REEP3: variants seen among roughly 807,000 people sequenced by gnomAD.
REEP3 encodes receptor expression-enhancing protein 3.
In REEP3, 20 loss-of-function variants were observed where a neutral mutation model predicts 41.3. That is an observed-to-expected ratio of 0.48 (90% CI 0.34 to 0.70). REEP3 has a LOEUF of 0.70. Ranked by LOEUF, REEP3 falls within the 30% of genes least tolerant of loss-of-function variation. REEP3 has a pLI of 0.01. For synonymous variants in REEP3, 104 were observed against 101.8 expected (o/e 1.02, Z -0.13); for missense variants, 271 against 308.8 (o/e 0.88, Z 0.92).
intron 1 of REEP3, among the ~76,000 whole-genome samples, chr10:63,546,571 G>A (rs139213467): frequency 1.2e-4 from 19 of 152,282 alleles, no homozygotes; most frequent in East Asian, 5.8e-4. Context: ...CTGGGATGCC[G>A]TATAGATATT....
chr10:63,547,123 T>C (rs1389150101), intron 1 of REEP3, among the ~76,000 whole-genome samples: 6 of 151,960 alleles, frequency 3.9e-5, no homozygotes, highest in African/African-American at 4.8e-5. Context: ...GGTTTCACCA[T>C]GTTGGCCAGG....
At chr10:63,584,043 G>A (rs1021277448) in intron 2 of REEP3, among the ~76,000 whole-genome samples, 1 of 152,024 alleles carries the variant, frequency 6.6e-6, no homozygotes, top group African/African-American at 2.4e-5. Context: ...CTGAGGTCAG[G>A]GTTGAGATAT....
At chr10:63,546,860 G>A (rs147677366) in intron 1 of REEP3, among the ~76,000 whole-genome samples, 88 of 151,846 alleles carry the variant, frequency 5.8e-4, no homozygotes, top group African/African-American at 1.7e-3. Flanking sequence ...ATAAATTCCA[G>A]TTGGATCACA....
chr10:63,563,993 G>C (rs1215377852), intron 1 of REEP3, among the ~76,000 whole-genome samples: 1 of 152,174 alleles, frequency 6.6e-6, no homozygotes, highest in Non-Finnish European at 1.5e-5. Context: ...AAAGCTAAGA[G>C]AGTAGCTGAG....
At position 63,566,405 on chromosome 10, in the gene REEP3, G is replaced by A; in HGVS notation, c.100G>A (p.Glu34Lys). 3 of 1,493,754 alleles carry A rather than the reference G, an allele frequency of 2.0e-6. No homozygotes were observed. The highest frequency in any genetic ancestry group is 2.0e-5 in the Admixed American group (1 of 50,972). The allele number at this position is 1,493,754 out of a possible 1,614,324, so 92.5% of individuals were successfully genotyped here. The change falls in exon 2 of 8, where the codon GAA (glutamate) becomes AAA (lysine). Residue 34 changes from glutamate (E) to lysine (K), a missense_variant. Glu to Lys is a moderately conservative substitution (Grantham distance 56). Transcript: ENST00000373758. ...YKAVKTKNVKEYVRWMMYWIV... is the reference protein window; with the variant it reads ...YKAVKTKNVKKYVRWMMYWIV... ...AGCTGTGAAAACAAAAAACGTGAAG[G>A]AATATGTAAGTATAGTTTTATGAGT... is the stretch of plus-strand genomic sequence containing the variant.
At chr10:63,585,285 G>T (rs1223818428) in intron 2 of REEP3, among the ~76,000 whole-genome samples, 1 of 152,110 alleles carries the variant, frequency 6.6e-6, no homozygotes. Flanking sequence ...GGCAGGGGTG[G>T]TTGTTACATA....
chr10:63,558,675 G>A (rs1450551697), intron 1 of REEP3, among the ~76,000 whole-genome samples: 1 of 152,046 alleles, frequency 6.6e-6, no homozygotes, highest in Non-Finnish European at 1.5e-5. Flanking sequence ...CCCAGGAGGC[G>A]GAGGTTGCAG....
chr10:63,530,912 C>T (rs1307521272), intron 1 of REEP3, among the ~76,000 whole-genome samples: 1 of 152,160 alleles, frequency 6.6e-6, no homozygotes, highest in Non-Finnish European at 1.5e-5. Context: ...CACATTTGCA[C>T]TAAACTAATC....
chr10:63,599,158 T>G lies in REEP3; in HGVS notation c.304-12T>G. ...TTTAAGTAAAACTAACATCTGTGGC[T>G]TTTTCCCCCAGGAGATTGATGATTA... is the stretch of plus-strand genomic sequence containing the variant. On this transcript the variant is annotated splice_polypyrimidine_tract_variant and intron_variant, in intron 4 of 7. Transcript: ENST00000373758. 1 of 1,416,070 alleles carries G rather than the reference T, an allele frequency of 7.1e-7. No individual in the cohort carries two copies. The highest frequency in any genetic ancestry group is 1.4e-5 in the African/African-American group (1 of 69,308). The allele number at this position is 1,416,070 out of a possible 1,614,324, so 87.7% of individuals were successfully genotyped here.
intron 4 of REEP3, among the ~76,000 whole-genome samples, chr10:63,598,701 G>A (rs940361245): frequency 1.3e-4 from 20 of 149,732 alleles, no homozygotes; most frequent in Middle Eastern, 6.9e-3. Context: ...GGAGAATGGC[G>A]CGAACCCGGG....
intron 4 of REEP3, among the ~76,000 whole-genome samples, chr10:63,598,430 G>T (rs1266366981): frequency 1.4e-5 from 2 of 139,736 alleles, no homozygotes; most frequent in East Asian, 2.2e-4. Flanking sequence ...GTTGCAGTGA[G>T]CTGAGATCTC....
chr10:63,619,115 C>G (rs2133438256), intron 6 of REEP3, among the ~76,000 whole-genome samples: 1 of 152,346 alleles, frequency 6.6e-6, no homozygotes, highest in East Asian at 1.9e-4. Context: ...TCACCTGCCC[C>G]CAGTGACCTT....
At chr10:63,527,706 T>TA (rs904701744) in intron 1 of REEP3, among the ~76,000 whole-genome samples, 1 of 151,998 alleles carries the variant, frequency 6.6e-6, no homozygotes. Context: ...ATAATTTTTT[T>TA]AAAAAAAGGA....
intron 1 of REEP3, chr10:63,563,101 T>C (rs575235858): frequency 1.8e-4 from 77 of 422,076 alleles, no homozygotes; most frequent in African/African-American, 1.4e-3. Flanking sequence ...ACACCAAATC[T>C]GCCAACGTTT....
chr10:63,602,337 G>A (rs577404348), intron 5 of REEP3, among the ~76,000 whole-genome samples: 23 of 152,232 alleles, frequency 1.5e-4, no homozygotes, highest in Non-Finnish European at 2.9e-4. Context: ...GAGTTGCATC[G>A]GCAGCGGATG....
At chr10:63,558,760 G>A (rs934922245) in intron 1 of REEP3, among the ~76,000 whole-genome samples, 2 of 151,918 alleles carry the variant, frequency 1.3e-5, no homozygotes, top group Non-Finnish European at 2.9e-5. Flanking sequence ...ATAAAAAATA[G>A]TTTTAAAAAA....
At chr10:63,589,447 C>G (rs552129170) in intron 2 of REEP3, among the ~76,000 whole-genome samples, 11 of 152,220 alleles carry the variant, frequency 7.2e-5, no homozygotes, top group Non-Finnish European at 1.0e-4. Flanking sequence ...CATGAGAGGC[C>G]CCTGCACAAG....
chr10:63,610,852 C>T (rs547290413), intron 6 of REEP3, among the ~76,000 whole-genome samples: 17 of 152,202 alleles, frequency 1.1e-4, no homozygotes, highest in Middle Eastern at 3.4e-3. Flanking sequence ...GGGCGGATCA[C>T]GAGGTTAGGA....
Position 63,624,365 on chromosome 10 carries a change from A to G in REEP3, c.*3496A>G, listed in dbSNP as rs887384368. ...TGTAGTATGCTACAGATTTAATTAT[A>G]TTAACTCTTTTTTAAGACATTGACC... On this transcript the variant is annotated 3_prime_UTR_variant, in exon 8 of 8. Transcript: ENST00000373758. 12 of 152,112 alleles carry G rather than the reference A, an allele frequency of 7.9e-5. No homozygotes were observed. Among genetic ancestry groups the G allele is most frequent in the Non-Finnish European group, 1.5e-4 (10 of 67,968 alleles). 9.4% of individuals were successfully genotyped at this position (152,112 alleles called of 1,614,324 possible). A position where few individuals can be genotyped will look rare whatever the true frequency, so the allele number is the denominator to read the frequency against.
Sources: gnomAD v4.1 joint callset for allele counts (sites outside exome capture counted in the v4.1 genomes callset) on GRCh38, gnomAD v4.1.1 for gene constraint, MANE v1.5 for transcripts, NCBI Gene and HGNC (gene_info 2026-07-23, HGNC 2026-07-21) for gene names.